The following SLCO2B1 variants were observed in gnomAD, a reference collection of about 807,000 sequenced individuals.
SLCO2B1 encodes solute carrier organic anion transporter family member 2B1, also known as OATP-RP2.
Under a neutral mutation model 67.3 loss-of-function variants are expected in SLCO2B1, and 41 were observed. The ratio of observed to expected loss-of-function variants is 0.61; its 90% confidence interval spans 0.47 to 0.79. The LOEUF (loss-of-function observed/expected upper bound fraction) is 0.79. Among genes scored for constraint, SLCO2B1 ranks in the 30% least tolerant of loss-of-function variants. SLCO2B1 has a pLI of 0.00. For missense variants in SLCO2B1, 837 were observed against 920.1 expected, an observed-to-expected ratio of 0.91 and a Z score of 1.17; for synonymous variants, 379 against 381.4, an observed-to-expected ratio of 0.99 and a Z score of 0.07.
In SLCO2B1 at chr11:75,170,897, G is replaced by T. The variant is rs1044722508; in HGVS notation, c.781+1133G>T. Among the ~76,000 whole-genome samples the T allele has an allele frequency of 2.0e-5, 3 of 152,164 alleles. 1 individual carries two copies. ...CTGTTGACATTGTCCAGGCAGACGG[G>T]GTATCTCCACAGGCAGATGTGACAT... is the stretch of plus-strand genomic sequence containing the variant. On this transcript the variant is annotated intron_variant, in intron 6 of 13. Transcript: ENST00000289575.
At chr11:75,195,795 C>T (rs774211024) in intron 9 of SLCO2B1, among the ~76,000 whole-genome samples, 35 of 152,228 alleles carry the variant, frequency 2.3e-4, no homozygotes, top group African/African-American at 7.0e-4. Context: ...CTGTGCTCCC[C>T]GCTAGCGTGA....
At chr11:75,167,117 G>C (rs1391630100) in intron 4 of SLCO2B1, among the ~76,000 whole-genome samples, 1 of 152,206 alleles carries the variant, frequency 6.6e-6, no homozygotes, top group Admixed American at 6.5e-5. Context: ...CAGCTGGAGG[G>C]AGCTGGAGGG....
chr11:75,202,770 A>G, intron 11 of SLCO2B1, 131 bp from the exon 12 acceptor site: 1 of 801,770 alleles, frequency 1.2e-6, no homozygotes, highest in East Asian at 2.4e-5. Context: ...AGCCTAGATC[A>G]TCAGATGGGA....
intron 4 of SLCO2B1, among the ~76,000 whole-genome samples, chr11:75,168,409 C>T (rs1460929943): frequency 2.6e-5 from 4 of 152,194 alleles, no homozygotes; most frequent in Admixed American, 6.5e-5. Context: ...AATGGAGGGC[C>T]GCAGAGAGAA....
intron 7 of SLCO2B1, among the ~76,000 whole-genome samples, chr11:75,183,287 A>T (rs976670563): frequency 1.3e-5 from 2 of 152,202 alleles, no homozygotes; most frequent in Non-Finnish European, 2.9e-5. Flanking sequence ...TTTTATGCCT[A>T]CAGCACATCT....
At chr11:75,189,327 G>C (rs1379897050) in intron 8 of SLCO2B1, among the ~76,000 whole-genome samples, 4 of 152,122 alleles carry the variant, frequency 2.6e-5, no homozygotes, top group African/African-American at 9.7e-5. Context: ...AAAGAAGTTA[G>C]TTTCCTTTTC....
At position 75,193,483 on chromosome 11, in the gene SLCO2B1, G is replaced by T. The variant is rs763511035; in HGVS notation, c.1341G>T (p.Leu447=). ...LGPVGCGALC[L]LGMLLCLFFS... is the part of the protein sequence containing the mutation. ...CTGTGGGATGCGGTGCCCTTTGCCT[G>T]CTGGGGATGCTGCTGTGCCTCTTCT... Residue 447 remains leucine, a synonymous_variant, in exon 9 of 14, where the codon CTG becomes CTT. Coordinates refer to ENST00000289575, the MANE Select transcript of SLCO2B1 (RefSeq NM_007256.5). This position sits in a 1 kb window ranked among gnomAD's most constrained non-coding sequence, Gnocchi z 4.2. 1.9e-6 allele frequency: 3 copies of T among 1,610,362 alleles called. No homozygotes were observed. In the East Asian group the frequency reaches 6.7e-5, roughly 36 times the overall value.
chr11:75,202,463 T>G (rs1200532140), intron 11 of SLCO2B1: 1 of 194,390 alleles, frequency 5.1e-6, no homozygotes, highest in Admixed American at 5.3e-5. Context: ...GCAGAGTTAC[T>G]GAGCCCGTAG....
chr11:75,187,555 G>A (rs1212511849), intron 7 of SLCO2B1, among the ~76,000 whole-genome samples: 1 of 152,206 alleles, frequency 6.6e-6, no homozygotes, highest in Admixed American at 6.5e-5. Flanking sequence ...ACTGATCTTG[G>A]TGAAGACAGT....
intron 2 of SLCO2B1, 50 bp downstream of exon 2, chr11:75,162,835 T>G (rs1949838783): frequency 5.7e-6 from 9 of 1,582,190 alleles, no homozygotes; most frequent in South Asian, 1.2e-5. Context: ...GAGCAGGCTC[T>G]GCCACGTGCT....
chr11:75,166,710 T>A (rs1294680417), intron 4 of SLCO2B1, among the ~76,000 whole-genome samples: 2 of 152,206 alleles, frequency 1.3e-5, no homozygotes, highest in Non-Finnish European at 2.9e-5. Flanking sequence ...GCCTACTTCG[T>A]GCCTGAGCCT....
intron 11 of SLCO2B1, chr11:75,201,568 T>C (rs1407588938): frequency 1.3e-5 from 2 of 152,176 alleles, no homozygotes; most frequent in Non-Finnish European, 2.9e-5. Flanking sequence ...CTCAGGCTGT[T>C]TTACCAATGA....
intron 1 of SLCO2B1, among the ~76,000 whole-genome samples, chr11:75,153,642 T>C (rs943587597): frequency 3.0e-4 from 46 of 152,090 alleles, no homozygotes; most frequent in African/African-American, 1.1e-3. Context: ...GCACTGCAAA[T>C]GCTTAGAAAA....
chr11:75,192,035 C>A (rs541430425), intron 8 of SLCO2B1, among the ~76,000 whole-genome samples: 10 of 152,216 alleles, frequency 6.6e-5, no homozygotes, highest in Admixed American at 2.0e-4. Flanking sequence ...TTTTTCCTAA[C>A]TCCAAGCATT....
chr11:75,178,690 A>G (rs1950055801), intron 7 of SLCO2B1, among the ~76,000 whole-genome samples: 1 of 152,190 alleles, frequency 6.6e-6, no homozygotes, highest in Admixed American at 6.5e-5. Context: ...AGTGTGCAAT[A>G]TATTGTTATT....
At chr11:75,164,465 G>A (rs780611102) in intron 3 of SLCO2B1, among the ~76,000 whole-genome samples, 1 of 152,148 alleles carries the variant, frequency 6.6e-6, no homozygotes, top group Non-Finnish European at 1.5e-5. Flanking sequence ...GGCTTAAATC[G>A]CATCAAGAGC....
chr11:75,177,104 CCCCAAGGGT>C (rs1950035126), intron 7 of SLCO2B1, among the ~76,000 whole-genome samples: 1 of 152,012 alleles, frequency 6.6e-6, no homozygotes, highest in Non-Finnish European at 1.5e-5. Flanking sequence ...ACCCCCAGAA[CCCCAAGGGT>C]ACCACCATAG....
rs754384806 is a variant in SLCO2B1, at chr11:75,188,177, G to A, written c.1014G>A (p.Thr338=). ...CTAAGCAGAGCCCTGGGGAGTCCAC[G>A]AAGAAGCAGGATGGCCTAGTCCAGA... ...SPSKQSPGES[T]KKQDGLVQIA... is the part of the protein sequence containing the mutation. The change falls in exon 8 of 14, where the codon ACG becomes ACA. Residue 338 remains threonine (T), a synonymous_variant. Coordinates refer to ENST00000289575, the MANE Select transcript of SLCO2B1 (RefSeq NM_007256.5). 4.3e-6 allele frequency: 7 copies of A among 1,613,992 alleles called. No individual in the cohort carries two copies. Among genetic ancestry groups the A allele is most frequent in the African/African-American group, 2.7e-5 (2 of 74,912 alleles).
At chr11:75,186,200 C>T (rs141347862) in intron 7 of SLCO2B1, among the ~76,000 whole-genome samples, 1,937 of 152,018 alleles carry the variant, frequency 0.013, 21 homozygotes, top group East Asian at 0.035. Context: ...TGTGTGCCAC[C>T]ACACCTGGCT....
Sources: gnomAD v4.1 joint callset for allele counts (sites outside exome capture counted in the v4.1 genomes callset) on GRCh38, gnomAD v4.1.1 for gene constraint, Gnocchi (gnomAD v3.1) non-coding constraint, MANE v1.5 for transcripts, NCBI Gene and HGNC (gene_info 2026-07-23, HGNC 2026-07-21) for gene names.